The following TMEM156 variants were observed in gnomAD, a reference collection of about 807,000 sequenced individuals.
TMEM156 encodes transmembrane protein 156.
Under a neutral mutation model 30.5 loss-of-function variants are expected in TMEM156, and 28 were observed. The ratio of observed to expected loss-of-function variants is 0.92; its 90% CI spans 0.68 to 1.26. TMEM156 has a LOEUF of 1.26. Ranked by LOEUF, TMEM156 falls within the 50% of genes most tolerant of loss-of-function variation. The pLI, the probability that TMEM156 is intolerant of heterozygous loss-of-function variation, is 0.00. For synonymous variants in TMEM156, 137 were observed against 119.9 expected (o/e 1.14, Z -0.93); for missense variants, 351 against 340.6 (o/e 1.03, Z -0.24).
intron 4 of TMEM156, among the ~76,000 whole-genome samples, chr4:38,986,853 G>GAAAAAAAAAAAAA (rs1712036216): frequency 1.2e-5 from 1 of 84,066 alleles, no homozygotes; most frequent in Non-Finnish European, 2.4e-5. Flanking sequence ...AAAAAAAAAG[G>GAAAAAAAAAAAAA]AAAGCGACAG....
chr4:39,025,176 C>T (rs1020262103), intron 1 of TMEM156, among the ~76,000 whole-genome samples: 4 of 151,724 alleles, frequency 2.6e-5, no homozygotes, highest in Non-Finnish European at 2.9e-5. Context: ...TGGCAAAACC[C>T]TGTCTCTACT....
chr4:39,004,089 G>A (rs915397995), intron 1 of TMEM156, among the ~76,000 whole-genome samples: 1 of 152,050 alleles, frequency 6.6e-6, no homozygotes. Flanking sequence ...AATCATTTTT[G>A]CTATCAGGTG....
chr4:38,976,336 C>G (rs145678995), intron 5 of TMEM156, among the ~76,000 whole-genome samples: 1 of 150,214 alleles, frequency 6.7e-6, no homozygotes, highest in Non-Finnish European at 1.5e-5. Flanking sequence ...TGTGAAATGC[C>G]TATGGACAGG....
intron 1 of TMEM156, among the ~76,000 whole-genome samples, chr4:39,028,798 T>G (rs1050511010): frequency 1.3e-5 from 2 of 152,234 alleles, no homozygotes; most frequent in African/African-American, 4.8e-5. Context: ...ATTATCTACA[T>G]GTAATATAAA....
chr4:38,997,335 T>G (rs1244333333), intron 2 of TMEM156, among the ~76,000 whole-genome samples: 1 of 152,178 alleles, frequency 6.6e-6, no homozygotes, highest in Non-Finnish European at 1.5e-5. Context: ...TGTTCACTAT[T>G]TGGGTGATGG....
intron 1 of TMEM156, among the ~76,000 whole-genome samples, chr4:39,006,166 G>A (rs973341376): frequency 6.6e-6 from 1 of 152,136 alleles, no homozygotes; most frequent in Admixed American, 6.5e-5. Context: ...AAAGTGCTGG[G>A]ATTACAGGCA....
intron 1 of TMEM156, among the ~76,000 whole-genome samples, chr4:39,023,481 C>G (rs887853323): frequency 1.3e-5 from 2 of 152,104 alleles, no homozygotes; most frequent in East Asian, 3.8e-4. Flanking sequence ...GAGTACTTTG[C>G]AACAAAAAGA....
intron 2 of TMEM156, among the ~76,000 whole-genome samples, chr4:38,998,229 T>C (rs1713062294): frequency 6.6e-6 from 1 of 152,156 alleles, no homozygotes; most frequent in Non-Finnish European, 1.5e-5. Flanking sequence ...CATTGAATGT[T>C]CCAGTGCCAC....
At chr4:39,009,250 A>G (rs1577565191) in intron 1 of TMEM156, among the ~76,000 whole-genome samples, 1 of 152,262 alleles carries the variant, frequency 6.6e-6, no homozygotes, top group African/African-American at 2.4e-5. Context: ...TTGAATCAGT[A>G]ATAAAAAACC....
chr4:38,994,919 C>T (rs1162104397), intron 2 of TMEM156, among the ~76,000 whole-genome samples: 1 of 151,506 alleles, frequency 6.6e-6, no homozygotes, highest in Admixed American at 6.6e-5. Context: ...GCCTGGGTAA[C>T]AGAAGGAGAC....
intron 1 of TMEM156, among the ~76,000 whole-genome samples, chr4:39,007,224 G>T (rs1713800952): frequency 2.0e-5 from 3 of 152,026 alleles, no homozygotes; most frequent in Admixed American, 6.6e-5. Context: ...ATATCTGAGA[G>T]GAAAAAGTCC....
chr4:38,994,060 C>T (rs534539827), intron 2 of TMEM156, 62 bp from the exon 3 acceptor site: 21 of 1,394,604 alleles, frequency 1.5e-5, no homozygotes, highest in African/African-American at 2.9e-5. Flanking sequence ...AAAACACATA[C>T]AATTCAAAAC....
rs1404874523 is a variant in TMEM156, at chr4:38,967,415, A to T, written c.*265T>A. 6.6e-6 allele frequency: 1 copy of T among 152,236 alleles called. No homozygotes were observed. The highest frequency in any genetic ancestry group is 1.5e-5 in the Non-Finnish European group (1 of 68,022). The allele number at this position is 152,236 out of a possible 1,614,324, so 9.4% of individuals were successfully genotyped here. On this transcript the variant is annotated 3_prime_UTR_variant, in exon 7 of 7. Coordinates refer to ENST00000381938, the MANE Select transcript of TMEM156 (RefSeq NM_024943.3). Reference sequence around the variant, plus strand: ...TCTTGCTGTTTCCATGGGTTTCATCATCTTTTTTTCCATGACTCATAATGG... The same window carrying T: ...TCTTGCTGTTTCCATGGGTTTCATCTTCTTTTTTTCCATGACTCATAATGG...
At chr4:38,991,302 C>T (rs1712445806) in intron 3 of TMEM156, among the ~76,000 whole-genome samples, 1 of 150,622 alleles carries the variant, frequency 6.6e-6, no homozygotes, top group Non-Finnish European at 1.5e-5. Flanking sequence ...CAGCTCACTG[C>T]AGCCTTGTCT....
At chr4:39,026,316 C>A (rs1715200079) in intron 1 of TMEM156, among the ~76,000 whole-genome samples, 1 of 151,482 alleles carries the variant, frequency 6.6e-6, no homozygotes, top group African/African-American at 2.4e-5. Flanking sequence ...GAATTGGAGT[C>A]CAGCCTGGGC....
At chr4:38,971,219 G>T in intron 5 of TMEM156, 82 bp from the exon 6 acceptor site, 1 of 1,290,556 alleles carries the variant, frequency 7.7e-7, no homozygotes, top group Non-Finnish European at 1.1e-6. Context: ...AGTAAGAGTA[G>T]CAAGAGAAGC....
chr4:39,030,265 T>C (rs1715439256), intron 1 of TMEM156, among the ~76,000 whole-genome samples: 1 of 151,850 alleles, frequency 6.6e-6, no homozygotes, highest in South Asian at 2.1e-4. Flanking sequence ...GAAACAGCCA[T>C]TTTAAGTTTG....
intron 1 of TMEM156, among the ~76,000 whole-genome samples, chr4:39,003,728 G>A (rs4299593): frequency 0.53 from 80,693 of 151,920 alleles, 21,502 homozygotes; most frequent in East Asian, 0.66. Flanking sequence ...TCCATAATCT[G>A]TATCTTTTTT....
At chr4:39,018,323 T>C (rs1714635503) in intron 1 of TMEM156, among the ~76,000 whole-genome samples, 1 of 152,232 alleles carries the variant, frequency 6.6e-6, no homozygotes, top group Non-Finnish European at 1.5e-5. Flanking sequence ...TGGTTCTATC[T>C]TGTTTTTTCA....
Sources: gnomAD v4.1 joint callset for allele counts (sites outside exome capture counted in the v4.1 genomes callset) on GRCh38, gnomAD v4.1.1 for gene constraint, MANE v1.5 for transcripts, NCBI Gene and HGNC (gene_info 2026-07-23, HGNC 2026-07-21) for gene names.